PRUNE2: variants seen among roughly 807,000 people sequenced by gnomAD.
PRUNE2 encodes protein prune homolog 2.
In PRUNE2, 164 loss-of-function variants were observed where a neutral mutation model predicts 252.0. The ratio of observed to expected loss-of-function variants is 0.65; its 90% confidence interval spans 0.57 to 0.74. The LOEUF (loss-of-function observed/expected upper bound fraction) is 0.74. PRUNE2 is among the 30% of genes least tolerant of loss of function. The probability of loss-of-function intolerance (pLI) is 0.00; values close to 1 mark genes in which losing one functional copy is unlikely to be tolerated. For missense variants in PRUNE2, 3,495 were observed against 3,711.0 expected, an observed-to-expected ratio of 0.94 and a Z score of 1.51; for synonymous variants, 1,292 against 1,350.2, an observed-to-expected ratio of 0.96 and a Z score of 0.94.
intron 5 of PRUNE2, 124 bp downstream of exon 5, chr9:76,826,456 G>C (rs936788315): frequency 1.5e-5 from 11 of 718,288 alleles, no homozygotes; most frequent in Non-Finnish European, 2.5e-5. Flanking sequence ...CTGGGGGATA[G>C]AGTGAGACTC....
chr9:76,895,639 T>C lies in PRUNE2; in HGVS notation c.36+10289A>G, dbSNP rs191651143. Among the ~76,000 whole-genome samples, 3 of 152,302 alleles carry C rather than the reference T, an allele frequency of 2.0e-5. No homozygotes were observed. In the East Asian group the frequency reaches 5.8e-4, roughly 29 times the overall value. On this transcript the variant is annotated intron_variant, in intron 1 of 18. Transcript: ENST00000376718. The stretch of plus-strand genomic sequence containing the variant: ...AAATGATCTTTTCCCCCTGATTCTT[T>C]AGGGTCATTACTATGAGCATCAGAT...
intron 6 of PRUNE2, among the ~76,000 whole-genome samples, chr9:76,793,179 C>T (rs1393368997): frequency 1.3e-5 from 2 of 152,026 alleles, no homozygotes; most frequent in African/African-American, 4.8e-5. Flanking sequence ...GAGGAAGTGG[C>T]AAATTAGTAG....
intron 6 of PRUNE2, among the ~76,000 whole-genome samples, chr9:76,796,162 G>A (rs115224912): frequency 0.012 from 1,800 of 152,256 alleles, 32 homozygotes; most frequent in African/African-American, 0.04. Context: ...AATTGCTTAA[G>A]AACGCACAGC....
At chr9:76,688,028 C>T (rs1322365116) in intron 9 of PRUNE2, among the ~76,000 whole-genome samples, 1 of 152,192 alleles carries the variant, frequency 6.6e-6, no homozygotes, top group Non-Finnish European at 1.5e-5. Flanking sequence ...GTTCCTGAGC[C>T]CACAATCAAG....
intron 2 of PRUNE2, among the ~76,000 whole-genome samples, chr9:76,851,502 C>T (rs1168241255): frequency 1.3e-5 from 2 of 151,242 alleles, no homozygotes; most frequent in Admixed American, 6.6e-5. Context: ...GAGCCAAGAT[C>T]GTGCCACTGC....
chr9:76,629,157 T>G, intron 16 of PRUNE2, 35 bp downstream of exon 16: 1 of 1,362,268 alleles, frequency 7.3e-7, no homozygotes, highest in Non-Finnish European at 1.0e-6. Flanking sequence ...ACTAGTACTA[T>G]TTCTTAACAC....
chr9:76,752,554 A>T (rs1564215652), intron 6 of PRUNE2, among the ~76,000 whole-genome samples: 1 of 152,142 alleles, frequency 6.6e-6, no homozygotes, highest in Non-Finnish European at 1.5e-5. Context: ...TATGGAAGTA[A>T]AATTTTCTCC....
rs767830993 is a variant in PRUNE2 at position 76,708,890 on chromosome 9, C to T, written c.3384G>A (p.Thr1128=). The T allele has an allele frequency of 3.1e-6, 5 of 1,613,984 alleles. No homozygotes were observed. The highest frequency in any genetic ancestry group is 2.2e-5 in the East Asian group (1 of 44,868). ...CCAAATCATTGTCCATATCTGAGAT[C>T]GTTGCAGTGGACTGAGTATCCTCCA... is the stretch of plus-strand genomic sequence containing the variant. ...VILEDTQSTA[T]ISDMDNDLDW... is the part of the protein sequence containing the mutation. The change falls in exon 8 of 19, where the codon ACG becomes ACA. Residue 1128 remains threonine (T), a synonymous_variant. Transcript: ENST00000376718.
chr9:76,746,153 T>C (rs1588982420), intron 6 of PRUNE2, among the ~76,000 whole-genome samples: 1 of 152,150 alleles, frequency 6.6e-6, no homozygotes, highest in Admixed American at 6.5e-5. Flanking sequence ...CAAAAGCTCC[T>C]AAAACCCGTG....
chr9:76,798,578 C>A (rs139019489), intron 6 of PRUNE2, among the ~76,000 whole-genome samples: 5 of 152,208 alleles, frequency 3.3e-5, no homozygotes, highest in African/African-American at 9.6e-5. Flanking sequence ...GTGTATAGTG[C>A]TGCTATGAAC....
Position 76,806,890 on chromosome 9 carries a change from T to C in PRUNE2, c.756+16742A>G, listed in dbSNP as rs138652402. Among the ~76,000 whole-genome samples, 743 of 152,148 alleles carry C rather than the reference T, an allele frequency of 4.9e-3. 4 individuals are homozygous for C. The highest frequency in any genetic ancestry group is 0.016 in the African/African-American group (670 of 41,514). On this transcript the variant is annotated intron_variant, in intron 6 of 18. Transcript: ENST00000376718. ...CAGGGTAATCCTTGGAAGTAGTTACTAGTATGATGCCATTTCAAAGACGGA... is the reference window on the plus strand; with the variant it reads ...CAGGGTAATCCTTGGAAGTAGTTACCAGTATGATGCCATTTCAAAGACGGA...
intron 1 of PRUNE2, among the ~76,000 whole-genome samples, chr9:76,902,076 C>T (rs1358272185): frequency 6.6e-6 from 1 of 152,168 alleles, no homozygotes; most frequent in Non-Finnish European, 1.5e-5. Flanking sequence ...GCAGCAGAGG[C>T]CCAGTGTGGG....
Position 76,708,891 on chromosome 9 carries a change from G to A in PRUNE2, c.3383C>T (p.Thr1128Met), listed in dbSNP as rs1269894808. ...CAAATCATTGTCCATATCTGAGATCGTTGCAGTGGACTGAGTATCCTCCAA... is the reference window on the plus strand; with the variant it reads ...CAAATCATTGTCCATATCTGAGATCATTGCAGTGGACTGAGTATCCTCCAA... ...VILEDTQSTATISDMDNDLDW... is the reference protein window; with the variant it reads ...VILEDTQSTAMISDMDNDLDW... The change falls in exon 8 of 19, where the codon ACG (threonine) becomes ATG (methionine). Residue 1128 changes from threonine to methionine, a missense_variant. Thr to Met is a moderately conservative substitution (Grantham distance 81, BLOSUM62 -1). Coordinates refer to ENST00000376718, the MANE Select transcript of PRUNE2 (RefSeq NM_015225.3). 8 of 1,613,820 alleles carry A rather than the reference G, an allele frequency of 5.0e-6. No individual in the cohort carries two copies. Among genetic ancestry groups the A allele is most frequent in the South Asian group, 1.1e-5 (1 of 91,084 alleles).
chr9:76,857,220 C>G (rs886262405), intron 1 of PRUNE2: 1 of 441,890 alleles, frequency 2.3e-6, no homozygotes, highest in African/African-American at 2.0e-5. Flanking sequence ...CCCCTCCACC[C>G]CCATCCATCA....
intron 6 of PRUNE2, among the ~76,000 whole-genome samples, chr9:76,804,152 T>C (rs1025150015): frequency 1.3e-5 from 2 of 152,178 alleles, no homozygotes; most frequent in South Asian, 4.1e-4. Context: ...AGCCACCTAT[T>C]CTACACCCCA....
At chr9:76,827,714 C>A (rs1355110053) in intron 4 of PRUNE2, among the ~76,000 whole-genome samples, 1 of 152,190 alleles carries the variant, frequency 6.6e-6, no homozygotes, top group Non-Finnish European at 1.5e-5. Context: ...AATCCAAACA[C>A]ATGGCCTGAG....
chr9:76,615,244 C>T, intron 18 of PRUNE2: 1 of 985,372 alleles, frequency 1.0e-6, no homozygotes, highest in Non-Finnish European at 1.2e-6. Context: ...CTTCCTACCG[C>T]ATCCACCCAA....
intron 6 of PRUNE2, among the ~76,000 whole-genome samples, chr9:76,805,542 C>T (rs2056875632): frequency 6.6e-6 from 1 of 152,086 alleles, no homozygotes. Flanking sequence ...CTGCAGTGCG[C>T]CATGATAGTA....
chr9:76,783,468 G>A lies in PRUNE2; in HGVS notation c.756+40164C>T, dbSNP rs544358397. Among the ~76,000 whole-genome samples the A allele has an allele frequency of 2.6e-5, 4 of 152,268 alleles. No homozygotes were observed. The East Asian group carries it at 7.7e-4, about 29-fold the overall frequency. On this transcript the variant is annotated intron_variant, in intron 6 of 18. Coordinates refer to ENST00000376718, the MANE Select transcript of PRUNE2 (RefSeq NM_015225.3). ...TATGACCTGTGGGATCTCTAGAGGG[G>A]ACCTCAAGAGAATGGTGTGTGTCAG...
Sources: allele counts gnomAD v4.1 joint callset (sites outside exome capture counted in the v4.1 genomes callset), GRCh38; gene constraint gnomAD v4.1.1; transcripts MANE v1.5; gene names NCBI Gene and HGNC (gene_info 2026-07-23, HGNC 2026-07-21).